Variants in FAM178B observed in about 807,000 individuals in gnomAD.
The protein encoded by FAM178B is family with sequence similarity 178 member B, also known as protein FAM178B.
In FAM178B, 82 loss-of-function variants were observed where a neutral mutation model predicts 91.7. The observed-to-expected ratio is 0.89, with a 90% CI of 0.75 to 1.07. The LOEUF is 1.07. Among genes scored for constraint, FAM178B ranks in the 50% least tolerant of loss-of-function variants. The pLI is 0.00. For missense variants in FAM178B, 769 were observed against 846.7 expected (o/e 0.91, Z 1.14); for synonymous variants, 368 against 359.4 (o/e 1.02, Z -0.27).
intron 14 of FAM178B, 60 bp from the exon 15 acceptor site, chr2:96,878,553 C>A: frequency 6.6e-7 from 1 of 1,507,470 alleles, no homozygotes. Context: ...GCATGGCGTG[C>A]CCTCCACCTG....
chr2:96,969,950 G>A (rs2082194648), intron 4 of FAM178B, among the ~76,000 whole-genome samples: 2 of 152,206 alleles, frequency 1.3e-5, no homozygotes, highest in East Asian at 1.9e-4. Flanking sequence ...GGGTGTTCCA[G>A]GGTGGCATCG....
chr2:96,928,161 C>T lies in FAM178B; in HGVS notation c.1193+1045G>A, dbSNP rs369122453. On this transcript the variant is annotated intron_variant, in intron 9 of 16. Transcript: ENST00000490605. ...GCAGAGGAACATCTGCCCGCCGAGG[C>T]GAGGGAAGGGGGGCCTGGCACCTCC... 3.5e-4 allele frequency among the ~76,000 whole-genome samples: 54 copies of T among 152,132 alleles called. No individual in the cohort carries two copies. In the South Asian group the frequency reaches 5.0e-3, roughly 14 times the overall value.
At chr2:96,914,496 G>A (rs1268663902) in intron 12 of FAM178B, among the ~76,000 whole-genome samples, 2 of 152,204 alleles carry the variant, frequency 1.3e-5, no homozygotes, top group Non-Finnish European at 2.9e-5. Flanking sequence ...GCAAAGTCTT[G>A]GAAGATTCTG....
Position 96,929,140 on chromosome 2 carries a change from C to CA in FAM178B, c.1193+65dup, listed in dbSNP as rs1448446074. The CA allele has an allele frequency of 1.4e-5, 16 of 1,145,992 alleles. 1 individual carries two copies. The East Asian group carries it at 3.9e-4, about 28-fold the overall frequency. The allele number at this position is 1,145,992 out of a possible 1,614,324, so 71.0% of individuals were successfully genotyped here. ...ACCCCTGTATTCCAGTTCTGAGTGACAGAGAGAGACCCTGTCTCTTAAAAA... is the reference window on the plus strand; with the variant it reads ...ACCCCTGTATTCCAGTTCTGAGTGACAAGAGAGAGACCCTGTCTCTTAAAAA... On this transcript the variant is annotated intron_variant, in intron 9 of 16. Transcript: ENST00000490605.
chr2:96,931,722 G>A (rs1294613636), intron 8 of FAM178B, among the ~76,000 whole-genome samples: 1 of 152,224 alleles, frequency 6.6e-6, no homozygotes, highest in East Asian at 1.9e-4. Context: ...ATGGCGGGCA[G>A]AGGGTCTCTG....
chr2:96,906,169 C>A (rs2153369665), intron 12 of FAM178B, among the ~76,000 whole-genome samples: 1 of 150,104 alleles, frequency 6.7e-6, no homozygotes, highest in Non-Finnish European at 1.5e-5. Flanking sequence ...CTGGTGTGAG[C>A]CACCGCGCCC....
chr2:96,951,239 C>T, intron 7 of FAM178B, 140 bp downstream of exon 7: 1 of 653,874 alleles, frequency 1.5e-6, no homozygotes, highest in South Asian at 1.8e-5. Flanking sequence ...AATCAGCTCT[C>T]CTCCCTCCTC....
intron 1 of FAM178B, among the ~76,000 whole-genome samples, chr2:96,973,215 AAAAAACC>A (rs1333995888): frequency 6.6e-6 from 1 of 151,528 alleles, no homozygotes; most frequent in East Asian, 2.0e-4. Flanking sequence ...TCAAAAAAAA[AAAAAACC>A]AAAACCAAAA....
chr2:96,986,348 G>C lies in FAM178B; in HGVS notation c.-35C>G. On this transcript the variant is annotated 5_prime_UTR_variant, in exon 1 of 17. Transcript: ENST00000490605. The stretch of plus-strand genomic sequence containing the variant: ...AGGGCAGGGCTCCGGGGTGAGGGAG[G>C]GTGGCGGGAATTCGCACGGCCTCAG... The C allele has an allele frequency of 6.5e-7, 1 of 1,528,328 alleles. No homozygotes were observed. The highest frequency in any genetic ancestry group is 8.7e-7 in the Non-Finnish European group (1 of 1,144,676). The allele number at this position is 1,528,328 out of a possible 1,614,324, so 94.7% of individuals were successfully genotyped here. A position where few individuals can be genotyped will look rare whatever the true frequency, so the allele number is the denominator to read the frequency against.
In FAM178B at chr2:96,986,215, C is replaced by A. The variant is rs756103791; in HGVS notation, c.73+26G>T. On this transcript the variant is annotated intron_variant, in intron 1 of 16. Transcript: ENST00000490605. ...TCTGAGCGCTAACCACGCGCCCCTG[C>A]GGTTCCTCGGCCTCAGTTTCCTTAC... 9.8e-6 allele frequency: 15 copies of A among 1,534,092 alleles called. No homozygotes were observed. The South Asian group carries it at 1.8e-4, about 18-fold the overall frequency.
At chr2:96,952,539 G>A (rs1210353380) in intron 6 of FAM178B, among the ~76,000 whole-genome samples, 1 of 152,080 alleles carries the variant, frequency 6.6e-6, no homozygotes, top group Non-Finnish European at 1.5e-5. Context: ...CCACTGACCC[G>A]GTAGATCACC....
intron 12 of FAM178B, among the ~76,000 whole-genome samples, chr2:96,904,261 G>C (rs936609026): frequency 6.7e-6 from 1 of 148,592 alleles, no homozygotes; most frequent in East Asian, 1.9e-4. Flanking sequence ...TCAGTCCTAC[G>C]GGGGGGTGTT....
intron 3 of FAM178B, among the ~76,000 whole-genome samples, chr2:96,971,640 GTGGCATCGAAT>G (rs2082219406): frequency 6.6e-6 from 1 of 152,190 alleles, no homozygotes; most frequent in Non-Finnish European, 1.5e-5. Context: ...GCCCCATGAA[GTGGCATCGAAT>G]TTGTTGCCAC....
intron 14 of FAM178B, among the ~76,000 whole-genome samples, chr2:96,885,305 C>T (rs895850645): frequency 6.6e-6 from 1 of 152,250 alleles, no homozygotes; most frequent in Non-Finnish European, 1.5e-5. Context: ...GGGCCCAGCA[C>T]GTGCCCACAC....
At chr2:96,957,382 AC>A (rs1469451707) in intron 6 of FAM178B, among the ~76,000 whole-genome samples, 9 of 152,192 alleles carry the variant, frequency 5.9e-5, no homozygotes, top group Admixed American at 5.9e-4. Context: ...ACCGAGTCAC[AC>A]AGCGGGCATT....
intron 1 of FAM178B, among the ~76,000 whole-genome samples, chr2:96,981,257 C>T (rs543461466): frequency 4.6e-5 from 7 of 152,218 alleles, no homozygotes; most frequent in Admixed American, 1.3e-4. Flanking sequence ...TGAGCCACCG[C>T]GCCCAACTCA....
At chr2:96,950,985 C>T (rs1007421206) in intron 7 of FAM178B, among the ~76,000 whole-genome samples, 1 of 152,130 alleles carries the variant, frequency 6.6e-6, no homozygotes, top group African/African-American at 2.4e-5. Context: ...AAGAAATTAG[C>T]TTTGTTGCAT....
At chr2:96,931,275 C>G (rs1181292625) in intron 8 of FAM178B, among the ~76,000 whole-genome samples, 1 of 152,174 alleles carries the variant, frequency 6.6e-6, no homozygotes, top group Non-Finnish European at 1.5e-5. Context: ...TGTTCAGGAA[C>G]TAGCTAGGTG....
At chr2:96,896,452 C>T (rs532537744) in intron 13 of FAM178B, among the ~76,000 whole-genome samples, 13 of 152,122 alleles carry the variant, frequency 8.5e-5, no homozygotes, top group African/African-American at 2.9e-4. Context: ...CAGGAACCAG[C>T]GGGGATGGGC....
Sources: gnomAD v4.1 joint callset for allele counts (sites outside exome capture counted in the v4.1 genomes callset) on GRCh38, gnomAD v4.1.1 for gene constraint, MANE v1.5 for transcripts, NCBI Gene and HGNC (gene_info 2026-07-23, HGNC 2026-07-21) for gene names.